The following FAF2 variants were observed in gnomAD, a reference collection of about 807,000 sequenced individuals.
FAF2 encodes the protein Fas associated factor family member 2, also known as FAS-associated factor 2.
A neutral mutation model predicts 62.3 loss-of-function variants in FAF2; 9 were observed. The ratio of observed to expected loss-of-function variants is 0.14; its 90% CI spans 0.09 to 0.25. The LOEUF (loss-of-function observed/expected upper bound fraction) is 0.25, where lower values mean the gene tolerates loss of function less well. FAF2 is among the 10% of genes least tolerant of loss of function. The pLI, the probability that FAF2 is intolerant of heterozygous loss-of-function variation, is 1.00. For missense variants in FAF2, 368 were observed against 556.2 expected (o/e 0.66, Z 3.40); for synonymous variants, 202 against 198.0 (o/e 1.02, Z -0.17).
rs1458518761 is a variant in FAF2 at position 176,494,125 on chromosome 5, T to C, written c.569+41T>C. ...ATTTTCCTTCTCTTTTCTGACTCTT[T>C]CTGGTGACAGTTTATAGTCAGCAAG... is the stretch of plus-strand genomic sequence containing the variant. On this transcript the variant is annotated intron_variant, in intron 6 of 10. Transcript: ENST00000261942. This position sits in a 1 kb window ranked among gnomAD's most constrained non-coding sequence, Gnocchi z 4.0. 2 of 1,609,150 alleles carry C rather than the reference T, an allele frequency of 1.2e-6. No homozygotes were observed. The highest frequency in any genetic ancestry group is 8.5e-7 in the Non-Finnish European group (1 of 1,175,796).
intron 1 of FAF2, among the ~76,000 whole-genome samples, chr5:176,474,018 AT>A (rs1212054092): frequency 1.3e-5 from 2 of 152,354 alleles, no homozygotes; most frequent in East Asian, 3.9e-4. Flanking sequence ...AGAGAATGGT[AT>A]TAGAAACCAA....
chr5:176,506,543 G>T (rs7730599), intron 10 of FAF2, among the ~76,000 whole-genome samples: 2,435 of 152,284 alleles, frequency 0.016, 62 homozygotes, highest in African/African-American at 0.055. Context: ...TTCAGAGTAG[G>T]ACTAGTGTTG....
chr5:176,460,913 G>A (rs1432567988), intron 1 of FAF2, among the ~76,000 whole-genome samples: 2 of 152,068 alleles, frequency 1.3e-5, no homozygotes, highest in East Asian at 1.9e-4. Flanking sequence ...GCAAGATGGT[G>A]CCACTGCACT....
At chr5:176,463,346 C>G (rs1198397995) in intron 1 of FAF2, among the ~76,000 whole-genome samples, 2 of 151,598 alleles carry the variant, frequency 1.3e-5, no homozygotes, top group Admixed American at 1.3e-4. Context: ...AGAGGTATCA[C>G]TGCACTCCAG....
chr5:176,449,544 C>T (rs1445627634), intron 1 of FAF2, among the ~76,000 whole-genome samples: 1 of 151,764 alleles, frequency 6.6e-6, no homozygotes, highest in East Asian at 1.9e-4. Context: ...CACTGCACTC[C>T]AGCCTGGGCA....
At chr5:176,504,318 TCACGCC>T (rs1755642469) in intron 10 of FAF2, among the ~76,000 whole-genome samples, 1 of 151,870 alleles carries the variant, frequency 6.6e-6, no homozygotes, top group Non-Finnish European at 1.5e-5. Flanking sequence ...GCTTGGTGGC[TCACGCC>T]CATAGTCCCA....
At chr5:176,463,724 GT>G (rs200216378) in intron 1 of FAF2, among the ~76,000 whole-genome samples, 5,225 of 129,522 alleles carry the variant, frequency 0.04, 184 homozygotes, top group African/African-American at 0.11. Context: ...GTTATTGCAT[GT>G]TTTTTTTTTT....
At chr5:176,475,466 A>G (rs1360784004) in intron 1 of FAF2, among the ~76,000 whole-genome samples, 2 of 152,168 alleles carry the variant, frequency 1.3e-5, no homozygotes, top group African/African-American at 4.8e-5. Flanking sequence ...TATAATCTCT[A>G]TTCCTACTTA....
At chr5:176,493,873 C>T (rs1056484815) in intron 5 of FAF2, 126 bp from the exon 6 acceptor site, 11 of 646,932 alleles carry the variant, frequency 1.7e-5, no homozygotes, top group African/African-American at 5.5e-5. Context: ...TGATTTCTTG[C>T]TCACCTTTTT....
At chr5:176,481,947 A>C (rs192966401) in intron 2 of FAF2, among the ~76,000 whole-genome samples, 8 of 152,266 alleles carry the variant, frequency 5.3e-5, no homozygotes, top group Middle Eastern at 3.4e-3. Flanking sequence ...CTGTTTTCAA[A>C]GTGGTTATAC....
intron 1 of FAF2, among the ~76,000 whole-genome samples, chr5:176,466,304 G>A (rs1164057999): frequency 6.6e-6 from 1 of 152,128 alleles, no homozygotes; most frequent in Non-Finnish European, 1.5e-5. Context: ...CTGTGTGGTC[G>A]GAAGGAGAGA....
chr5:176,501,642 TA>T, intron 10 of FAF2, among the ~76,000 whole-genome samples: 1 of 152,360 alleles, frequency 6.6e-6, no homozygotes, highest in South Asian at 2.1e-4. Flanking sequence ...CTCAGAGAAC[TA>T]ATACAGAATT....
chr5:176,497,777 C>T (rs1350226542), intron 8 of FAF2, among the ~76,000 whole-genome samples: 1 of 152,008 alleles, frequency 6.6e-6, no homozygotes, highest in East Asian at 1.9e-4. Flanking sequence ...TGCCAACTTG[C>T]CCTCAAGAAA....
chr5:176,464,650 G>C (rs1221220206), intron 1 of FAF2, among the ~76,000 whole-genome samples: 1 of 151,660 alleles, frequency 6.6e-6, no homozygotes, highest in African/African-American at 2.4e-5. Context: ...GTACCACCAT[G>C]CCCGGCTAAT....
rs763786559 is a variant in FAF2 at position 176,498,990 on chromosome 5, GAGAA to G, written c.930_933del (p.Lys310AsnfsTer64). On this transcript the variant is annotated frameshift_variant, in exon 9 of 11. Transcript: ENST00000261942. LOFTEE classifies it high-confidence loss of function. ...CCTGGCCTCTCTCAGAGCTGACCAG[GAGAA>G]AGAAAGAAAGAAACGGGAGGAGCGG... 7.4e-6 allele frequency: 12 copies of G among 1,612,986 alleles called. No homozygotes were observed. Among genetic ancestry groups the G allele is most frequent in the South Asian group, 1.1e-5 (1 of 90,916 alleles).
rs1451472026 is a variant in FAF2 at position 176,507,985 on chromosome 5, C to T, written c.*1035C>T. 6.5e-6 allele frequency: 1 copy of T among 152,724 alleles called. No homozygotes were observed. Among genetic ancestry groups the T allele is most frequent in the East Asian group, 1.9e-4 (1 of 5,176 alleles). 9.5% of individuals were successfully genotyped at this position (152,724 alleles called of 1,614,324 possible). ...TGCCTTTCCAAAGGACTAGCAGGGCCTGTGGTGGAGCCAGCAGAACCACAG... is the reference window on the plus strand; with the variant it reads ...TGCCTTTCCAAAGGACTAGCAGGGCTTGTGGTGGAGCCAGCAGAACCACAG... On this transcript the variant is annotated 3_prime_UTR_variant, in exon 11 of 11. Transcript: ENST00000261942.
intron 2 of FAF2, among the ~76,000 whole-genome samples, chr5:176,483,425 G>T (rs964413762): frequency 6.6e-6 from 1 of 152,256 alleles, no homozygotes; most frequent in East Asian, 1.9e-4. Flanking sequence ...TGATGTATTT[G>T]TAGTTAATTT....
intron 2 of FAF2, among the ~76,000 whole-genome samples, chr5:176,482,937 G>A (rs909160986): frequency 3.9e-5 from 6 of 152,118 alleles, no homozygotes; most frequent in East Asian, 1.9e-4. Context: ...TAGTAGTGTT[G>A]GCCAGGATGG....
intron 4 of FAF2, among the ~76,000 whole-genome samples, chr5:176,489,893 C>T (rs559407180): frequency 6.6e-6 from 1 of 152,298 alleles, no homozygotes; most frequent in South Asian, 2.1e-4. Flanking sequence ...AGGTTGCAAA[C>T]ACTGGAACCC....
Sources: allele counts gnomAD v4.1 joint callset (sites outside exome capture counted in the v4.1 genomes callset), GRCh38; gene constraint gnomAD v4.1.1; non-coding constraint Gnocchi (gnomAD v3.1); transcripts MANE v1.5; gene names NCBI Gene and HGNC (gene_info 2026-07-23, HGNC 2026-07-21).